The following MYO16 variants were observed in gnomAD, a reference collection of about 807,000 sequenced individuals.
MYO16 encodes myosin XVI.
In MYO16, 94 loss-of-function variants were observed where a neutral mutation model predicts 205.3. The observed-to-expected ratio is 0.46, with a 90% CI of 0.39 to 0.54. MYO16 has a LOEUF of 0.54. Among genes scored for constraint, MYO16 ranks in the 20% least tolerant of loss-of-function variants. MYO16 has a pLI of 0.00. For synonymous variants in MYO16, 988 were observed against 954.0 expected (o/e 1.04, Z -0.66); for missense variants, 2,315 against 2,387.5 (o/e 0.97, Z 0.63).
chr13:108,744,479 T>C (rs543157698), intron 4 of MYO16, among the ~76,000 whole-genome samples: 2 of 152,378 alleles, frequency 1.3e-5, no homozygotes, highest in Admixed American at 1.3e-4. Context: ...TAGTTGTTGC[T>C]TTATTGTTCC....
chr13:108,708,994 C>T (rs1465006528), intron 2 of MYO16, among the ~76,000 whole-genome samples: 3 of 151,560 alleles, frequency 2.0e-5, no homozygotes, highest in East Asian at 1.9e-4. Flanking sequence ...AATCATGCCC[C>T]CCCACCCCCT....
intron 34 of MYO16, among the ~76,000 whole-genome samples, chr13:109,197,922 TATTCTATTC>T (rs1455885492): frequency 6.6e-6 from 1 of 152,206 alleles, no homozygotes; most frequent in Non-Finnish European, 1.5e-5. Flanking sequence ...GTGCGCTGAC[TATTCTATTC>T]ATCAAGTTCC....
intron 33 of MYO16, among the ~76,000 whole-genome samples, chr13:109,173,592 A>G (rs1319503246): frequency 2.0e-5 from 3 of 152,156 alleles, no homozygotes; most frequent in Non-Finnish European, 4.4e-5. Context: ...AGAGCCATGA[A>G]TGCCAATTTA....
chr13:109,023,494 A>G (rs1239286157), intron 23 of MYO16, among the ~76,000 whole-genome samples: 58 of 113,562 alleles, frequency 5.1e-4, no homozygotes, highest in Non-Finnish European at 8.5e-4. Flanking sequence ...ATATTTATAT[A>G]TTATACAGAT....
chr13:108,698,312 A>C (rs1407169396), intron 2 of MYO16, among the ~76,000 whole-genome samples: 1 of 152,224 alleles, frequency 6.6e-6, no homozygotes, highest in East Asian at 1.9e-4. Context: ...GAGTGTGGAC[A>C]GATATGTACA....
At chr13:108,918,268 A>G (rs8001268) in intron 16 of MYO16, among the ~76,000 whole-genome samples, 10,626 of 152,314 alleles carry the variant, frequency 0.07, 527 homozygotes, top group Middle Eastern at 0.22. Flanking sequence ...TACCAAATAC[A>G]ACGTCATTAA....
chr13:108,790,453 AAAT>A (rs1250953526), intron 5 of MYO16, among the ~76,000 whole-genome samples: 1 of 152,168 alleles, frequency 6.6e-6, no homozygotes, highest in Admixed American at 6.5e-5. Flanking sequence ...ATTTCTTTCA[AAAT>A]AATAAATCTA....
At chr13:108,623,251 C>T (rs1879609139) in intron 1 of MYO16, among the ~76,000 whole-genome samples, 1 of 152,198 alleles carries the variant, frequency 6.6e-6, no homozygotes, top group South Asian at 2.1e-4. Context: ...GCTACTTAAA[C>T]TTATCCAAAA....
At chr13:108,562,035 T>G in the MYO16 span, among the ~76,000 whole-genome samples, 6,691 of 152,290 alleles carry the variant, frequency 0.044, 444 homozygotes, top group African/African-American at 0.15. Flanking sequence ...ATCTGTCTTA[T>G]CTTGGGCTGC....
At chr13:108,731,333 G>T (rs1054399011) in intron 4 of MYO16, among the ~76,000 whole-genome samples, 2 of 152,182 alleles carry the variant, frequency 1.3e-5, no homozygotes, top group African/African-American at 4.8e-5. Context: ...AAGCAGGCCA[G>T]TTTTTGGAAT....
chr13:108,822,129 A>G (rs936486924), intron 8 of MYO16, among the ~76,000 whole-genome samples: 1 of 152,152 alleles, frequency 6.6e-6, no homozygotes, highest in Non-Finnish European at 1.5e-5. Flanking sequence ...CATCAGTACT[A>G]TAGTATATTG....
the MYO16 span, among the ~76,000 whole-genome samples, chr13:108,565,116 A>T: frequency 6.6e-6 from 1 of 151,944 alleles, no homozygotes; most frequent in South Asian, 2.1e-4. Context: ...TTTCCTCAGG[A>T]TTTTCTTACC....
At chr13:108,961,700 A>T (rs762221137) in intron 18 of MYO16, 44 bp downstream of exon 18, 1 of 1,454,718 alleles carries the variant, frequency 6.9e-7, no homozygotes, top group Non-Finnish European at 9.7e-7. Flanking sequence ...ATTGATGTGC[A>T]ATTTTGTAGA....
At chr13:108,647,345 A>C (rs912463261) in intron 1 of MYO16, among the ~76,000 whole-genome samples, 2 of 152,178 alleles carry the variant, frequency 1.3e-5, no homozygotes, top group African/African-American at 4.8e-5. Context: ...CTGCTCTAGA[A>C]GCCTCCAGAT....
At chr13:108,759,216 G>A (rs1270035084) in intron 4 of MYO16, among the ~76,000 whole-genome samples, 1 of 152,024 alleles carries the variant, frequency 6.6e-6, no homozygotes, top group Non-Finnish European at 1.5e-5. Context: ...TTTAAGAACT[G>A]TATAACTAGA....
chr13:108,686,861 C>T (rs948514741), intron 2 of MYO16, among the ~76,000 whole-genome samples: 3 of 152,096 alleles, frequency 2.0e-5, no homozygotes, highest in Admixed American at 1.3e-4. Context: ...GAAATGCTTC[C>T]TGGAAAGTAG....
At chr13:108,981,146 T>G (rs535617864) in intron 20 of MYO16, among the ~76,000 whole-genome samples, 20 of 152,266 alleles carry the variant, frequency 1.3e-4, no homozygotes, top group Non-Finnish European at 2.8e-4. Flanking sequence ...GAAATTGTTT[T>G]GAAAGTTAAA....
At chr13:108,912,485 G>A (rs763362783) in intron 16 of MYO16, among the ~76,000 whole-genome samples, 2 of 152,040 alleles carry the variant, frequency 1.3e-5, no homozygotes, top group Non-Finnish European at 2.9e-5. Context: ...CAAGCTTCTA[G>A]GACATTAGAA....
At chr13:108,949,303 A>G (rs1298490547) in intron 16 of MYO16, among the ~76,000 whole-genome samples, 1 of 152,198 alleles carries the variant, frequency 6.6e-6, no homozygotes, top group Non-Finnish European at 1.5e-5. Flanking sequence ...GGAGCTTAAA[A>G]AGCAAAAGAT....
Sources: gnomAD v4.1 joint callset for allele counts (sites outside exome capture counted in the v4.1 genomes callset) on GRCh38, gnomAD v4.1.1 for gene constraint, MANE v1.5 for transcripts, NCBI Gene and HGNC (gene_info 2026-07-23, HGNC 2026-07-21) for gene names.